Variants in ABCD2 observed in about 807,000 individuals in gnomAD.
ABCD2 encodes ATP binding cassette subfamily D member 2, also known as ATP-binding cassette sub-family D member 2.
Under a neutral mutation model 70.9 loss-of-function variants are expected in ABCD2, and 36 were observed. The observed-to-expected ratio is 0.51, with a 90% CI of 0.39 to 0.67. The LOEUF (loss-of-function observed/expected upper bound fraction) is 0.67, where lower values mean the gene tolerates loss of function less well. Ranked by LOEUF, ABCD2 falls within the 30% of genes least tolerant of loss-of-function variation. ABCD2 has a pLI of 0.00. For missense variants in ABCD2, 729 were observed against 890.2 expected (o/e 0.82, Z 2.30); for synonymous variants, 304 against 306.9 (o/e 0.99, Z 0.10).
chr12:39,579,385 A>G, intron 8 of ABCD2, 150 bp downstream of exon 8: 1 of 556,048 alleles, frequency 1.8e-6, no homozygotes, highest in East Asian at 3.0e-5. Flanking sequence ...CAAAAAAACC[A>G]ACTGTGAACT....
chr12:39,573,197 G>C (rs1941471874), intron 9 of ABCD2, among the ~76,000 whole-genome samples: 1 of 152,158 alleles, frequency 6.6e-6, no homozygotes, highest in South Asian at 2.1e-4. Flanking sequence ...TTTATTTGAA[G>C]GGGAAATTCT....
chr12:39,531,992 A>C, the ABCD2 span, among the ~76,000 whole-genome samples: 1 of 152,342 alleles, frequency 6.6e-6, no homozygotes, highest in East Asian at 1.9e-4. Context: ...GAGATGATCT[A>C]CTTACAGAGA....
chr12:39,568,566 G>C (rs1479191550), intron 9 of ABCD2, among the ~76,000 whole-genome samples: 1 of 151,978 alleles, frequency 6.6e-6, no homozygotes, highest in Non-Finnish European at 1.5e-5. Context: ...TTTTCCATGG[G>C]TTCGAACTCC....
In ABCD2 at chr12:39,552,735, C is replaced by G. The variant is rs2120510676; in HGVS notation, c.*1177G>C. On this transcript the variant is annotated 3_prime_UTR_variant, in exon 10 of 10. Coordinates refer to ENST00000308666, the MANE Select transcript of ABCD2 (RefSeq NM_005164.4). The stretch of plus-strand genomic sequence containing the variant: ...TTTCTTGTAAACAATAACCAAATAA[C>G]AATAAGACTAACATTATGAAATTTA... 6.6e-6 allele frequency: 1 copy of G among 151,962 alleles called. No individual in the cohort carries two copies. Among genetic ancestry groups the G allele is most frequent in the South Asian group, 2.1e-4 (1 of 4,828 alleles). 9.4% of individuals were successfully genotyped at this position (151,962 alleles called of 1,614,324 possible).
intron 9 of ABCD2, among the ~76,000 whole-genome samples, chr12:39,559,466 TTAAA>T (rs1428376691): frequency 6.6e-6 from 1 of 151,904 alleles, no homozygotes; most frequent in Non-Finnish European, 1.5e-5. Flanking sequence ...TAAAGCTTAT[TTAAA>T]TAAATCATAG....
At chr12:39,601,615 C>G (rs1941898175) in intron 5 of ABCD2, among the ~76,000 whole-genome samples, 1 of 151,814 alleles carries the variant, frequency 6.6e-6, no homozygotes, top group South Asian at 2.1e-4. Context: ...CTACCAAGAG[C>G]AAATGAAATT....
At position 39,556,758 on chromosome 12, in the gene ABCD2, A is replaced by T. The variant is rs146801800; in HGVS notation, c.2004-2627T>A. Among the ~76,000 whole-genome samples, 1,044 of 151,470 alleles carry T rather than the reference A, an allele frequency of 6.9e-3. 7 individuals carry two copies. The highest frequency in any genetic ancestry group is 0.025 in the South Asian group (119 of 4,810). On this transcript the variant is annotated intron_variant, in intron 9 of 9. Transcript: ENST00000308666. ...TCCCAGCACTTTGGGAGTCTGAGGC[A>T]GGTGGATCATGAGGTCAGGAGTTCA...
chr12:39,531,824 G>C, the ABCD2 span, among the ~76,000 whole-genome samples: 13 of 152,244 alleles, frequency 8.5e-5, no homozygotes, highest in Admixed American at 2.6e-4. Context: ...TCTAGTCTTT[G>C]TGACAACCCC....
chr12:39,573,523 T>C (rs1177565780), intron 9 of ABCD2, among the ~76,000 whole-genome samples, 193 bp downstream of exon 9: 1 of 152,112 alleles, frequency 6.6e-6, no homozygotes, highest in African/African-American at 2.4e-5. Flanking sequence ...TACTGGAAAC[T>C]GATGATAATT....
At position 39,619,031 on chromosome 12, in the gene ABCD2, T is replaced by C. The variant is rs775577953; in HGVS notation, c.585A>G (p.Lys195=). ...CCAGCCTCCCATCCATATTGATCAC[T>C]TTATAATAAGTCTGATTTGTAAAAT... ...ETYFTNQTYY[K]VINMDGRLAN... The change falls in exon 1 of 10, where the codon AAA becomes AAG. Residue 195 remains lysine, a synonymous_variant. Transcript: ENST00000308666. 1 of 1,614,194 alleles carries C rather than the reference T, an allele frequency of 6.2e-7. No homozygotes were observed. Among genetic ancestry groups the C allele is most frequent in the Non-Finnish European group, 8.5e-7 (1 of 1,180,028 alleles).
At chr12:39,548,228 T>G (rs897049136), downstream of ABCD2, among the ~76,000 whole-genome samples, 1 of 152,118 alleles carries the variant, frequency 6.6e-6, no homozygotes, top group Non-Finnish European at 1.5e-5. Context: ...TGTAGGCTAA[T>G]GTAATGCAAC....
At chr12:39,555,913 G>A (rs975383752) in intron 9 of ABCD2, among the ~76,000 whole-genome samples, 1 of 152,184 alleles carries the variant, frequency 6.6e-6, no homozygotes. Flanking sequence ...AGCCTTGGTG[G>A]TCAAGGGATT....
chr12:39,609,035 T>C (rs1158475771), intron 2 of ABCD2, among the ~76,000 whole-genome samples: 2 of 152,232 alleles, frequency 1.3e-5, no homozygotes, highest in South Asian at 2.1e-4. Context: ...ACTAAAGGTT[T>C]TGCTAAGAAT....
chr12:39,537,052 CT>C, the ABCD2 span, among the ~76,000 whole-genome samples: 216 of 147,336 alleles, frequency 1.5e-3, no homozygotes, highest in African/African-American at 4.6e-3. Context: ...CCTGAGTCCT[CT>C]TTTTTTTTTT....
At chr12:39,544,977 T>C in the ABCD2 span, among the ~76,000 whole-genome samples, 6 of 152,210 alleles carry the variant, frequency 3.9e-5, no homozygotes, top group South Asian at 2.1e-4. Flanking sequence ...AAGCATTAGT[T>C]TGGGGACTTC....
intron 9 of ABCD2, among the ~76,000 whole-genome samples, chr12:39,570,453 T>G (rs1167028759): frequency 2.0e-5 from 3 of 152,172 alleles, no homozygotes; most frequent in South Asian, 2.1e-4. Context: ...TCAACTGATT[T>G]TCAACAAAGT....
At chr12:39,575,233 CAG>C (rs967308600) in intron 8 of ABCD2, among the ~76,000 whole-genome samples, 1 of 152,032 alleles carries the variant, frequency 6.6e-6, no homozygotes, top group African/African-American at 2.4e-5. Flanking sequence ...TTGATCGAAA[CAG>C]AGAAAATATA....
intron 6 of ABCD2, among the ~76,000 whole-genome samples, chr12:39,599,860 A>G (rs1043795587): frequency 3.9e-5 from 6 of 152,224 alleles, no homozygotes; most frequent in East Asian, 1.9e-4. Context: ...TGGGATGTCT[A>G]TGTATCCAGG....
At chr12:39,568,649 G>T (rs138823635) in intron 9 of ABCD2, among the ~76,000 whole-genome samples, 2 of 152,140 alleles carry the variant, frequency 1.3e-5, no homozygotes, top group East Asian at 3.9e-4. Context: ...TTTCCATCCA[G>T]CTTTGTTCCG....
Sources: allele counts gnomAD v4.1 joint callset (sites outside exome capture counted in the v4.1 genomes callset), GRCh38; gene constraint gnomAD v4.1.1; transcripts MANE v1.5; gene names NCBI Gene and HGNC (gene_info 2026-07-23, HGNC 2026-07-21).